TLL2: variants seen among roughly 807,000 people sequenced by gnomAD.
TLL2 encodes the protein tolloid-like protein 2.
In TLL2, 106 loss-of-function variants were observed where a neutral mutation model predicts 123.0. The ratio of observed to expected loss-of-function variants is 0.86; its 90% CI spans 0.74 to 1.01. TLL2 has a LOEUF of 1.01. Ranked by LOEUF, TLL2 falls within the 50% of genes least tolerant of loss-of-function variation. The pLI, the probability that TLL2 is intolerant of heterozygous loss-of-function variation, is 0.00. For synonymous variants in TLL2, 494 were observed against 516.8 expected, an observed-to-expected ratio of 0.96 and a Z score of 0.60; for missense variants, 1,332 against 1,336.7, an observed-to-expected ratio of 1.00 and a Z score of 0.06.
chr10:96,494,176 C>T (rs1334408633), intron 1 of TLL2, among the ~76,000 whole-genome samples: 1 of 152,218 alleles, frequency 6.6e-6, no homozygotes, highest in Non-Finnish European at 1.5e-5. Flanking sequence ...GGAGTCCTCA[C>T]ACCCCTCCGC....
At chr10:96,408,469 TTGA>T (rs895387560) in intron 9 of TLL2, among the ~76,000 whole-genome samples, 4 of 152,204 alleles carry the variant, frequency 2.6e-5, no homozygotes, top group African/African-American at 7.2e-5. Flanking sequence ...TAATTAAGGC[TTGA>T]TGAAGTTTAC....
At chr10:96,378,736 C>G (rs1846159367) in intron 17 of TLL2, among the ~76,000 whole-genome samples, 1 of 152,194 alleles carries the variant, frequency 6.6e-6, no homozygotes, top group Admixed American at 6.5e-5. Context: ...AGCCTGCAGG[C>G]TTAATCACTT....
intron 15 of TLL2, among the ~76,000 whole-genome samples, chr10:96,385,702 T>A (rs1469322320): frequency 1.3e-5 from 2 of 152,214 alleles, no homozygotes; most frequent in African/African-American, 2.4e-5. Flanking sequence ...TGTAGCATCC[T>A]TGTCCCTAGC....
intron 9 of TLL2, among the ~76,000 whole-genome samples, chr10:96,409,096 C>A (rs1363169443): frequency 6.6e-6 from 1 of 152,156 alleles, no homozygotes. Flanking sequence ...ATTAGAAATA[C>A]CTGAAGGTTG....
At chr10:96,497,216 T>G (rs2031328) in intron 1 of TLL2, among the ~76,000 whole-genome samples, 148,293 of 152,256 alleles carry the variant, frequency 0.97, 72,322 homozygotes, top group Middle Eastern at 1. Context: ...CTTGAACCTG[T>G]GAGGCAGAGG....
intron 9 of TLL2, 125 bp downstream of exon 9, chr10:96,410,234 G>A: frequency 3.0e-6 from 2 of 669,910 alleles, no homozygotes; most frequent in Admixed American, 2.7e-5. Flanking sequence ...ACAGCACCAT[G>A]CCTGGCATAC....
At chr10:96,502,586 G>A (rs1847545356) in intron 1 of TLL2, among the ~76,000 whole-genome samples, 2 of 152,192 alleles carry the variant, frequency 1.3e-5, no homozygotes, top group Admixed American at 1.3e-4. Flanking sequence ...AGGGACCTGG[G>A]TGGACTCTGG....
rs2134047110 is a variant in TLL2 at position 96,366,038 on chromosome 10, T to C, written c.*2050A>G. The C allele has an allele frequency of 6.6e-6, 1 of 152,388 alleles. No individual in the cohort carries two copies. The highest frequency in any genetic ancestry group is 1.5e-5 in the Non-Finnish European group (1 of 68,038). The allele number at this position is 152,388 out of a possible 1,614,324, so 9.4% of individuals were successfully genotyped here. ...TGCTTAGACTTCTAAAGGTTAAAAC[T>C]GCAGAATTTTTATTTCCTTGGAGAA... On this transcript the variant is annotated 3_prime_UTR_variant, in exon 21 of 21. Transcript: ENST00000357947.
rs1277942831 is a variant in TLL2, at chr10:96,405,080, T to C, written c.1267+152A>G. On this transcript the variant is annotated intron_variant, in intron 10 of 20. Coordinates refer to ENST00000357947, the MANE Select transcript of TLL2 (RefSeq NM_012465.4). Reference sequence around the variant, plus strand: ...TTCGCAGTTTTAAAAGCTTTTAACATGTGTGGCCAAATGGAGTGCTCAGAG... The same window carrying C: ...TTCGCAGTTTTAAAAGCTTTTAACACGTGTGGCCAAATGGAGTGCTCAGAG... 1.0e-5 allele frequency: 7 copies of C among 674,602 alleles called. No homozygotes were observed. The Admixed American group carries it at 1.9e-4, about 19-fold the overall frequency. 41.8% of individuals were successfully genotyped at this position (674,602 alleles called of 1,614,324 possible).
chr10:96,459,732 A>ATATATATATATATATATG (rs1222156603), intron 2 of TLL2, among the ~76,000 whole-genome samples: 15 of 123,068 alleles, frequency 1.2e-4, no homozygotes, highest in African/African-American at 3.2e-4. Flanking sequence ...ATATATATAT[A>ATATATATATATATATATG]GCAGCTAAAA....
chr10:96,403,809 T>C (rs1486601516), intron 10 of TLL2, among the ~76,000 whole-genome samples: 12 of 152,170 alleles, frequency 7.9e-5, no homozygotes, highest in Admixed American at 3.9e-4. Flanking sequence ...AACCCGATTG[T>C]ACATTTGTTC....
intron 20 of TLL2, among the ~76,000 whole-genome samples, chr10:96,368,708 T>C (rs763727641): frequency 5.9e-5 from 9 of 152,080 alleles, no homozygotes; most frequent in Admixed American, 2.0e-4. Flanking sequence ...ACAAAGACCA[T>C]GGTTCAGGCC....
intron 3 of TLL2, among the ~76,000 whole-genome samples, chr10:96,441,760 G>A (rs954844682): frequency 3.9e-5 from 6 of 152,138 alleles, no homozygotes; most frequent in Non-Finnish European, 7.4e-5. Context: ...CAATGGCTAC[G>A]AAAGTCTGCA....
intron 1 of TLL2, among the ~76,000 whole-genome samples, chr10:96,503,497 G>C (rs990131254): frequency 6.6e-6 from 1 of 152,162 alleles, no homozygotes; most frequent in Non-Finnish European, 1.5e-5. Flanking sequence ...AAAGCCATGG[G>C]CTGCGTGATA....
At chr10:96,438,269 G>T (rs1400560542) in intron 3 of TLL2, among the ~76,000 whole-genome samples, 1 of 152,150 alleles carries the variant, frequency 6.6e-6, no homozygotes, top group Non-Finnish European at 1.5e-5. Context: ...ACTGATTTAG[G>T]TCTGTCTTGA....
intron 3 of TLL2, among the ~76,000 whole-genome samples, chr10:96,440,673 G>C (rs958100394): frequency 6.6e-6 from 1 of 152,170 alleles, no homozygotes; most frequent in Admixed American, 6.5e-5. Context: ...GTATTATAAG[G>C]GTCTGTTTTA....
intron 10 of TLL2, among the ~76,000 whole-genome samples, chr10:96,400,654 C>T (rs934259512): frequency 2.6e-5 from 4 of 152,198 alleles, no homozygotes; most frequent in African/African-American, 9.7e-5. Flanking sequence ...GATCGGCCAG[C>T]CTGGCCTTTC....
chr10:96,431,328 C>T (rs780743736), intron 4 of TLL2, among the ~76,000 whole-genome samples: 11 of 152,302 alleles, frequency 7.2e-5, no homozygotes, highest in South Asian at 2.1e-4. Context: ...GTTAATGCTG[C>T]GGGAGCGAAA....
intron 19 of TLL2, among the ~76,000 whole-genome samples, chr10:96,372,335 A>G (rs1470346535): frequency 6.6e-6 from 1 of 152,182 alleles, no homozygotes; most frequent in South Asian, 2.1e-4. Context: ...AAAGGATCAC[A>G]GGGTCCCATG....
Sources: allele counts gnomAD v4.1 joint callset (sites outside exome capture counted in the v4.1 genomes callset), GRCh38; gene constraint gnomAD v4.1.1; transcripts MANE v1.5; gene names NCBI Gene and HGNC (gene_info 2026-07-23, HGNC 2026-07-21).